Variants in LRRC4C observed in about 807,000 individuals in gnomAD.
LRRC4C encodes the protein leucine-rich repeat-containing protein 4C.
A neutral mutation model predicts 33.6 loss-of-function variants in LRRC4C; 5 were observed. That is an observed-to-expected ratio of 0.15 (90% CI 0.08 to 0.31). The LOEUF is 0.31. Ranked by LOEUF, LRRC4C falls within the 10% of genes least tolerant of loss-of-function variation. LRRC4C has a pLI of 1.00. For missense variants in LRRC4C, 560 were observed against 796.7 expected (o/e 0.70, Z 3.58); for synonymous variants, 329 against 302.0 (o/e 1.09, Z -0.93).
chr11:40,225,499 C>T (rs1385441632), intron 5 of LRRC4C, among the ~76,000 whole-genome samples: 1 of 152,068 alleles, frequency 6.6e-6, no homozygotes, highest in African/African-American at 2.4e-5. Flanking sequence ...AGTGAAGCTA[C>T]CTAACTAGTG....
chr11:40,381,958 T>TG (rs1948885895), intron 3 of LRRC4C, among the ~76,000 whole-genome samples: 1 of 135,372 alleles, frequency 7.4e-6, no homozygotes, highest in Admixed American at 7.4e-5. Context: ...GTCAGCGTTT[T>TG]TTTTTTTTTT....
intron 3 of LRRC4C, among the ~76,000 whole-genome samples, chr11:40,638,770 GTT>G (rs34192633): frequency 0.047 from 6,461 of 138,816 alleles, 489 homozygotes; most frequent in African/African-American, 0.16. Flanking sequence ...AATTGGTCGA[GTT>G]TTTTTTTTTT....
chr11:40,777,731 AG>A (rs1300587397), intron 2 of LRRC4C, among the ~76,000 whole-genome samples: 2 of 151,384 alleles, frequency 1.3e-5, no homozygotes, highest in African/African-American at 2.4e-5. Context: ...TCTGTCACCC[AG>A]GCTGGAGTGC....
intron 2 of LRRC4C, among the ~76,000 whole-genome samples, chr11:40,655,545 T>C (rs1446014601): frequency 2.6e-5 from 4 of 152,220 alleles, no homozygotes. Context: ...GTAAAAGTTT[T>C]GCAAACCACT....
chr11:41,383,275 T>C (rs889852571), intron 1 of LRRC4C, among the ~76,000 whole-genome samples: 2 of 152,122 alleles, frequency 1.3e-5, no homozygotes, highest in East Asian at 1.9e-4. Context: ...GTTTTTCTTG[T>C]ATGAATTTAG....
chr11:41,059,810 A>C (rs1858933026), intron 1 of LRRC4C, among the ~76,000 whole-genome samples: 1 of 152,132 alleles, frequency 6.6e-6, no homozygotes, highest in Non-Finnish European at 1.5e-5. Context: ...GGATCACTTG[A>C]GGTCAGGAGT....
chr11:40,282,289 A>G (rs772058404), intron 4 of LRRC4C, among the ~76,000 whole-genome samples: 31 of 152,082 alleles, frequency 2.0e-4, no homozygotes, highest in Non-Finnish European at 3.1e-4. Flanking sequence ...AGGTTGCAGT[A>G]AGCCGAGATC....
chr11:41,088,106 T>C (rs1467008907), intron 1 of LRRC4C, among the ~76,000 whole-genome samples: 9 of 152,120 alleles, frequency 5.9e-5, no homozygotes, highest in Non-Finnish European at 1.3e-4. Flanking sequence ...CCATCTACCC[T>C]TTTGAAAACT....
chr11:40,899,696 T>C (rs1050773676), intron 2 of LRRC4C, among the ~76,000 whole-genome samples: 2 of 152,156 alleles, frequency 1.3e-5, no homozygotes, highest in East Asian at 3.9e-4. Context: ...AGCAGTTTTC[T>C]AGAAAGATTC....
chr11:41,010,796 GCTGCTAC>G lies in LRRC4C; in HGVS notation c.-495-77080_-495-77074del, dbSNP rs578016577. The stretch of plus-strand genomic sequence containing the variant: ...CTATCAGCACATGGCTATGTCTGTG[GCTGCTAC>G]CTGTGCAGGAATCCAGTGAACATAT... On this transcript the variant is annotated intron_variant, in intron 1 of 6. Coordinates refer to ENST00000528697, the MANE Select transcript of LRRC4C (RefSeq NM_001258419.2). Among the ~76,000 whole-genome samples the G allele has an allele frequency of 3.7e-3, 560 of 152,208 alleles. 3 individuals carry two copies. Among genetic ancestry groups the G allele is most frequent in the Middle Eastern group, 0.014 (4 of 292 alleles).
intron 2 of LRRC4C, among the ~76,000 whole-genome samples, chr11:40,881,822 C>T (rs1955191668): frequency 6.6e-6 from 1 of 151,920 alleles, no homozygotes; most frequent in Non-Finnish European, 1.5e-5. Context: ...ATATCTCTAT[C>T]CAAATTATAT....
chr11:41,426,024 C>T (rs1019714018), intron 1 of LRRC4C, among the ~76,000 whole-genome samples: 1 of 152,076 alleles, frequency 6.6e-6, no homozygotes, highest in Non-Finnish European at 1.5e-5. Context: ...TCTTTTAAAC[C>T]ATACGTTGAT....
chr11:40,547,910 A>T (rs1264649001), intron 3 of LRRC4C, among the ~76,000 whole-genome samples: 1 of 152,138 alleles, frequency 6.6e-6, no homozygotes, highest in East Asian at 1.9e-4. Context: ...TACGTGCCAG[A>T]CACTGTTCTA....
intron 1 of LRRC4C, among the ~76,000 whole-genome samples, chr11:41,404,484 G>GTC (rs1954145481): frequency 8.1e-6 from 1 of 123,504 alleles, no homozygotes; most frequent in Admixed American, 7.4e-5. Flanking sequence ...GTGTGTGTCT[G>GTC]TGTGTGTGTG....
intron 3 of LRRC4C, among the ~76,000 whole-genome samples, chr11:40,574,377 C>A (rs1958100380): frequency 6.6e-6 from 1 of 152,070 alleles, no homozygotes; most frequent in Non-Finnish European, 1.5e-5. Flanking sequence ...AAGAGGTGCC[C>A]ATGTATCCTA....
At chr11:40,751,142 C>G (rs1948672122) in intron 2 of LRRC4C, among the ~76,000 whole-genome samples, 1 of 152,004 alleles carries the variant, frequency 6.6e-6, no homozygotes, top group African/African-American at 2.4e-5. Flanking sequence ...CTATATATGA[C>G]AAACCTATAG....
intron 2 of LRRC4C, among the ~76,000 whole-genome samples, chr11:40,929,718 C>T (rs2136449912): frequency 6.6e-6 from 1 of 152,188 alleles, no homozygotes; most frequent in South Asian, 2.1e-4. Flanking sequence ...GGGTTCACGC[C>T]ATTCTCCTGC....
At chr11:40,826,770 G>C (rs889583666) in intron 2 of LRRC4C, among the ~76,000 whole-genome samples, 1 of 151,884 alleles carries the variant, frequency 6.6e-6, no homozygotes, top group African/African-American at 2.4e-5. Flanking sequence ...TACTGTAAGG[G>C]ACTGGCTAGA....
chr11:40,840,314 C>G (rs1246359665), intron 2 of LRRC4C, among the ~76,000 whole-genome samples: 3 of 152,182 alleles, frequency 2.0e-5, no homozygotes, highest in Non-Finnish European at 4.4e-5. Context: ...CAAACACCAG[C>G]CTTCATCCTA....
Sources: allele counts gnomAD v4.1 joint callset (sites outside exome capture counted in the v4.1 genomes callset), GRCh38; gene constraint gnomAD v4.1.1; transcripts MANE v1.5; gene names NCBI Gene and HGNC (gene_info 2026-07-23, HGNC 2026-07-21).